PRDM16: variants seen among roughly 807,000 people sequenced by gnomAD.
PRDM16 encodes the protein histone-lysine N-methyltransferase PRDM16.
In PRDM16, 23 loss-of-function variants were observed where a neutral mutation model predicts 110.6. That is an observed-to-expected ratio of 0.21 (90% CI 0.15 to 0.29). The LOEUF (loss-of-function observed/expected upper bound fraction) is 0.29. Ranked by LOEUF, PRDM16 falls within the 10% of genes least tolerant of loss-of-function variation. The probability of loss-of-function intolerance (pLI) is 1.00; values close to 1 mark genes in which losing one functional copy is unlikely to be tolerated. For synonymous variants in PRDM16, 799 were observed against 781.8 expected (o/e 1.02, Z -0.37); for missense variants, 1,615 against 1,794.3 (o/e 0.90, Z 1.81).
At chr1:3,098,998 C>T (rs1160372036) in intron 1 of PRDM16, among the ~76,000 whole-genome samples, 1 of 152,234 alleles carries the variant, frequency 6.6e-6, no homozygotes, top group East Asian at 1.9e-4. Flanking sequence ...CTGGTCCATC[C>T]CTGGCTGAGT....
At chr1:3,119,803 A>C (rs1463452712) in intron 1 of PRDM16, among the ~76,000 whole-genome samples, 1 of 152,206 alleles carries the variant, frequency 6.6e-6, no homozygotes, top group Non-Finnish European at 1.5e-5. Flanking sequence ...ACGCTGAGAA[A>C]GGCCTGCCCC....
At chr1:3,073,108 C>G (rs891004109) in intron 1 of PRDM16, among the ~76,000 whole-genome samples, 1 of 152,216 alleles carries the variant, frequency 6.6e-6, no homozygotes, top group Non-Finnish European at 1.5e-5. Context: ...CTCCTGGCCC[C>G]GAGGCTTCCT....
At chr1:3,311,850 G>A (rs1641468658) in intron 3 of PRDM16, among the ~76,000 whole-genome samples, 1 of 152,214 alleles carries the variant, frequency 6.6e-6, no homozygotes, top group Non-Finnish European at 1.5e-5. Flanking sequence ...AAGGCCAGAT[G>A]CTCAGCCCAC....
intron 1 of PRDM16, among the ~76,000 whole-genome samples, chr1:3,160,522 C>T (rs1308069949): frequency 2.0e-5 from 3 of 152,104 alleles, no homozygotes; most frequent in Non-Finnish European, 4.4e-5. Flanking sequence ...AGGGTAAGGG[C>T]GACACAAGGG....
chr1:3,428,269 G>A (rs189235164), intron 14 of PRDM16, among the ~76,000 whole-genome samples: 7 of 148,956 alleles, frequency 4.7e-5, no homozygotes, highest in South Asian at 2.1e-4. Flanking sequence ...CAGCCCGGCC[G>A]CGCTGCAGGA....
chr1:3,369,688 G>T (rs1018425472), intron 3 of PRDM16, among the ~76,000 whole-genome samples: 2 of 152,210 alleles, frequency 1.3e-5, no homozygotes, highest in African/African-American at 4.8e-5. Flanking sequence ...GGAAAAGCAT[G>T]TCTCTCTCAA....
At chr1:3,071,234 C>T (rs1641751906) in intron 1 of PRDM16, among the ~76,000 whole-genome samples, 1 of 152,274 alleles carries the variant, frequency 6.6e-6, no homozygotes, top group African/African-American at 2.4e-5. Flanking sequence ...GCCCTGGAAA[C>T]TTCCGAGAGG....
At chr1:3,320,863 G>A (rs1338703433) in intron 3 of PRDM16, among the ~76,000 whole-genome samples, 1 of 152,200 alleles carries the variant, frequency 6.6e-6, no homozygotes, top group Non-Finnish European at 1.5e-5. Flanking sequence ...AGAGGAGCCT[G>A]GCTAGCTCAG....
At chr1:3,349,979 T>TGGA (rs3036532) in intron 3 of PRDM16, among the ~76,000 whole-genome samples, 1,574 of 151,322 alleles carry the variant, frequency 0.01, 27 homozygotes, top group African/African-American at 0.031. Context: ...TCCTGAGCCC[T>TGGA]GGAGGAGACA....
At chr1:3,258,886 C>A (rs1453702955) in intron 3 of PRDM16, among the ~76,000 whole-genome samples, 1 of 152,226 alleles carries the variant, frequency 6.6e-6, no homozygotes, top group Admixed American at 6.5e-5. Context: ...TCTGGGTTAC[C>A]AAGGCCCCAA....
chr1:3,337,155 ATC>A (rs1642177331), intron 3 of PRDM16, among the ~76,000 whole-genome samples: 1 of 142,822 alleles, frequency 7.0e-6, no homozygotes, highest in African/African-American at 2.6e-5. Context: ...GTTGGTGTGA[ATC>A]TGTGTACATC....
intron 1 of PRDM16, among the ~76,000 whole-genome samples, chr1:3,181,230 ACGGTCTTACACACAGTCTTACACACG>A (rs1644166467): frequency 2.4e-5 from 3 of 125,870 alleles, no homozygotes; most frequent in Non-Finnish European, 3.6e-5. Flanking sequence ...AGTCTTACAC[ACGGTCTTACACACAGTCTTACACACG>A]CAGTCTTACA....
chr1:3,168,860 C>CA (rs1173848906), intron 1 of PRDM16, among the ~76,000 whole-genome samples: 12 of 152,278 alleles, frequency 7.9e-5, no homozygotes, highest in African/African-American at 2.9e-4. Context: ...TCCACTTCTG[C>CA]AGATGAGAAG....
In PRDM16 at chr1:3,409,054, C is replaced by T. The variant is rs555386607; in HGVS notation, c.1187-2330C>T. Among the ~76,000 whole-genome samples the T allele has an allele frequency of 6.2e-5, 9 of 144,056 alleles. No homozygotes were observed. In the South Asian group the frequency reaches 1.6e-3, roughly 25 times the overall value. The allele number at this position is 144,056 out of a possible 152,430, so 94.5% of individuals were successfully genotyped here. On this transcript the variant is annotated intron_variant, in intron 8 of 16. Coordinates refer to ENST00000270722, the MANE Select transcript of PRDM16 (RefSeq NM_022114.4). ...GTGAGTGTGGGCGTGTGGGCCGGTG[C>T]GTGTGTCGGCGCACGTGACAGCGTG...
chr1:3,105,061 C>T (rs1274076411), intron 1 of PRDM16, among the ~76,000 whole-genome samples: 5 of 144,714 alleles, frequency 3.5e-5, no homozygotes, highest in South Asian at 4.5e-4. Flanking sequence ...GGGGTGGGGG[C>T]GGGTGGAAGG....
chr1:3,272,182 G>A (rs1180192889), intron 3 of PRDM16, among the ~76,000 whole-genome samples: 1 of 152,218 alleles, frequency 6.6e-6, no homozygotes, highest in Non-Finnish European at 1.5e-5. Flanking sequence ...AGGCCCAGGG[G>A]CTCTCAGACC....
At chr1:3,106,831 T>C (rs2993498) in intron 1 of PRDM16, among the ~76,000 whole-genome samples, 99,340 of 152,100 alleles carry the variant, frequency 0.65, 33,704 homozygotes, top group East Asian at 0.92. Flanking sequence ...GCTGTGCCCA[T>C]AGGGCTGATA....
chr1:3,165,130 G>A (rs1643935769), intron 1 of PRDM16, among the ~76,000 whole-genome samples: 1 of 152,232 alleles, frequency 6.6e-6, no homozygotes, highest in Admixed American at 6.5e-5. Context: ...TCAGCAGGCA[G>A]GCAGTCTTCT....
chr1:3,297,739 G>A (rs76866543), intron 3 of PRDM16, among the ~76,000 whole-genome samples: 2 of 152,200 alleles, frequency 1.3e-5, no homozygotes, highest in South Asian at 2.1e-4. Context: ...AGTCTGGAGC[G>A]GCAGGAAACA....
Sources: allele counts gnomAD v4.1 joint callset (sites outside exome capture counted in the v4.1 genomes callset), GRCh38; gene constraint gnomAD v4.1.1; transcripts MANE v1.5; gene names NCBI Gene and HGNC (gene_info 2026-07-23, HGNC 2026-07-21).